ZCCHC7: variants seen among roughly 807,000 people sequenced by gnomAD.
ZCCHC7 encodes zinc finger CCHC domain-containing protein 7.
Under a neutral mutation model 52.0 loss-of-function variants are expected in ZCCHC7, and 35 were observed. The ratio of observed to expected loss-of-function variants is 0.67; its 90% CI spans 0.51 to 0.89. The LOEUF is 0.89. ZCCHC7 is among the 40% of genes least tolerant of loss of function. The pLI, the probability that ZCCHC7 is intolerant of heterozygous loss-of-function variation, is 0.00. For missense variants in ZCCHC7, 574 were observed against 649.1 expected (o/e 0.88, Z 1.26); for synonymous variants, 217 against 221.5 (o/e 0.98, Z 0.18).
chr9:37,299,149 G>A (rs1828919238), intron 2 of ZCCHC7, among the ~76,000 whole-genome samples: 1 of 152,130 alleles, frequency 6.6e-6, no homozygotes, highest in African/African-American at 2.4e-5. Flanking sequence ...GCATTCTTAG[G>A]GCAGTCTTAA....
intron 4 of ZCCHC7, among the ~76,000 whole-genome samples, chr9:37,304,746 C>G (rs1339508508): frequency 6.6e-6 from 1 of 151,888 alleles, no homozygotes; most frequent in Non-Finnish European, 1.5e-5. Context: ...ATGTAGCTTA[C>G]AGCCTAGTGT....
intron 2 of ZCCHC7, among the ~76,000 whole-genome samples, chr9:37,171,677 A>G (rs780852341): frequency 2.0e-5 from 3 of 152,056 alleles, no homozygotes; most frequent in East Asian, 3.9e-4. Context: ...TCAGCCTCCC[A>G]TATTTGACAT....
chr9:37,298,252 G>A (rs570066169), intron 2 of ZCCHC7, among the ~76,000 whole-genome samples: 1 of 152,312 alleles, frequency 6.6e-6, no homozygotes, highest in Non-Finnish European at 1.5e-5. Flanking sequence ...TGGGGGCAAA[G>A]TGTAAAAAAA....
At chr9:37,221,675 G>C (rs1824819411) in intron 2 of ZCCHC7, among the ~76,000 whole-genome samples, 1 of 152,104 alleles carries the variant, frequency 6.6e-6, no homozygotes, top group African/African-American at 2.4e-5. Context: ...AGATGAGTAA[G>C]ATTTGAATAG....
chr9:37,334,544 G>A (rs778616989), intron 6 of ZCCHC7, among the ~76,000 whole-genome samples: 21 of 151,874 alleles, frequency 1.4e-4, no homozygotes, highest in Non-Finnish European at 2.8e-4. Flanking sequence ...TAAGTTTTAG[G>A]TTTCAAAAGC....
intron 2 of ZCCHC7, among the ~76,000 whole-genome samples, chr9:37,261,021 A>G (rs796275793): frequency 6.6e-6 from 1 of 152,176 alleles, no homozygotes; most frequent in African/African-American, 2.4e-5. Context: ...GGGATCATAG[A>G]TTATTATTTA....
Position 37,199,646 on chromosome 9 carries a change from TTCTGTCTG to T in ZCCHC7, c.610+72720_610+72727del, listed in dbSNP as rs567382955. ...CCGTGCCCAGCCCTACTGTTTCTTT[TTCTGTCTG>T]TCTGTCTGTCTGTCTTTCTCTCTGT... On this transcript the variant is annotated intron_variant, in intron 2 of 8. Coordinates refer to ENST00000336755, the MANE Select transcript of ZCCHC7 (RefSeq NM_032226.3). 6.3e-5 allele frequency among the ~76,000 whole-genome samples: 9 copies of T among 143,548 alleles called. No homozygotes were observed. In the East Asian group the frequency reaches 1.0e-3, roughly 16 times the overall value. 94.2% of individuals were successfully genotyped at this position (143,548 alleles called of 152,430 possible). A position where few individuals can be genotyped will look rare whatever the true frequency, so the allele number is the denominator to read the frequency against.
chr9:37,310,068 T>A (rs930917051), intron 5 of ZCCHC7, among the ~76,000 whole-genome samples: 1 of 152,232 alleles, frequency 6.6e-6, no homozygotes, highest in African/African-American at 2.4e-5. Context: ...ATTCAAATCC[T>A]TTCTGTAATG....
At chr9:37,159,864 G>C (rs1442354974) in intron 2 of ZCCHC7, among the ~76,000 whole-genome samples, 2 of 152,200 alleles carry the variant, frequency 1.3e-5, no homozygotes, top group African/African-American at 2.4e-5. Context: ...TAAAGATAAA[G>C]AATGTAGTGG....
intron 2 of ZCCHC7, among the ~76,000 whole-genome samples, chr9:37,216,677 A>G (rs1020370842): frequency 2.6e-5 from 4 of 152,104 alleles, no homozygotes; most frequent in Admixed American, 6.6e-5. Flanking sequence ...TCTGTCTCAA[A>G]AATAAATAAA....
chr9:37,282,827 G>A (rs1011741310), intron 2 of ZCCHC7, among the ~76,000 whole-genome samples: 1 of 151,040 alleles, frequency 6.6e-6, no homozygotes, highest in African/African-American at 2.4e-5. Context: ...TAAAAAAAAG[G>A]CGGGGGGAGT....
intron 2 of ZCCHC7, among the ~76,000 whole-genome samples, chr9:37,235,535 C>CCCCCTCCCCT (rs1246801186): frequency 1.3e-5 from 1 of 78,020 alleles, no homozygotes; most frequent in Non-Finnish European, 2.5e-5. Flanking sequence ...CCTTCCCCTC[C>CCCCCTCCCCT]CCCCTCCCCT....
chr9:37,233,182 T>G (rs1440944629), intron 2 of ZCCHC7, among the ~76,000 whole-genome samples: 2 of 152,210 alleles, frequency 1.3e-5, no homozygotes, highest in African/African-American at 4.8e-5. Flanking sequence ...AGTCAAAAAT[T>G]TATTTAATAA....
intron 2 of ZCCHC7, among the ~76,000 whole-genome samples, chr9:37,207,222 C>T (rs1823966032): frequency 6.6e-6 from 1 of 152,138 alleles, no homozygotes; most frequent in South Asian, 2.1e-4. Flanking sequence ...TGTAATTTTG[C>T]TTTCATTCTT....
rs62535708 is a variant in ZCCHC7 at position 37,165,180 on chromosome 9, A to G, written c.610+38238A>G. On this transcript the variant is annotated intron_variant, in intron 2 of 8. Transcript: ENST00000336755. ...GGTATATATTGATCTTGATTCCTAT[A>G]ACTTTGCTGAAATCACTTACTAGTT... Among the ~76,000 whole-genome samples the G allele has an allele frequency of 5.8e-3, 889 of 152,296 alleles. 2 individuals are homozygous for G. Among genetic ancestry groups the G allele is most frequent in the Non-Finnish European group, 9.4e-3 (638 of 68,020 alleles).
chr9:37,355,712 A>G (rs756639755), intron 8 of ZCCHC7, among the ~76,000 whole-genome samples: 11 of 152,208 alleles, frequency 7.2e-5, no homozygotes, highest in Non-Finnish European at 1.0e-4. Flanking sequence ...AGGAAAAAGT[A>G]GCCGTTCGTA....
intron 2 of ZCCHC7, among the ~76,000 whole-genome samples, chr9:37,131,000 A>C (rs931989020): frequency 2.1e-4 from 32 of 151,978 alleles, no homozygotes; most frequent in Non-Finnish European, 2.2e-4. Context: ...TATCTGTGAA[A>C]ACTTCAGACT....
chr9:37,140,690 A>G (rs1167489573), intron 2 of ZCCHC7, among the ~76,000 whole-genome samples: 3 of 152,002 alleles, frequency 2.0e-5, no homozygotes, highest in African/African-American at 7.2e-5. Flanking sequence ...ACCACAGGTC[A>G]TCTAATTTTC....
At chr9:37,158,105 A>G (rs1410287466) in intron 2 of ZCCHC7, among the ~76,000 whole-genome samples, 2 of 152,240 alleles carry the variant, frequency 1.3e-5, no homozygotes, top group African/African-American at 4.8e-5. Context: ...ATTATTTAAT[A>G]TCCTGTAGCA....
Sources: allele counts gnomAD v4.1 joint callset (sites outside exome capture counted in the v4.1 genomes callset), GRCh38; gene constraint gnomAD v4.1.1; transcripts MANE v1.5; gene names NCBI Gene and HGNC (gene_info 2026-07-23, HGNC 2026-07-21).